CAMK1D: variants seen among roughly 807,000 people sequenced by gnomAD.
The protein encoded by CAMK1D is calcium/calmodulin-dependent protein kinase type 1D.
A neutral mutation model predicts 47.7 loss-of-function variants in CAMK1D; 9 were observed. The observed-to-expected ratio is 0.19, with a 90% CI of 0.11 to 0.33. The LOEUF is 0.33. Among genes scored for constraint, CAMK1D ranks in the 10% least tolerant of loss-of-function variants. The probability of loss-of-function intolerance (pLI) is 1.00; values close to 1 mark genes in which losing one functional copy is unlikely to be tolerated. For missense variants in CAMK1D, 291 were observed against 488.7 expected (o/e 0.60, Z 3.81); for synonymous variants, 184 against 184.9 (o/e 0.99, Z 0.04).
At position 12,831,926 on chromosome 10, in the gene CAMK1D, T is replaced by G. The variant is rs1757064; in HGVS notation, c.*3039T>G. The G allele has an allele frequency of 0.15, 22,829 of 152,260 alleles. 1,820 individuals carry two copies. The highest frequency in any genetic ancestry group is 0.18 in the Non-Finnish European group (11,968 of 68,032). The allele number at this position is 152,260 out of a possible 1,614,324, so 9.4% of individuals were successfully genotyped here. On this transcript the variant is annotated 3_prime_UTR_variant, in exon 11 of 11. Coordinates refer to ENST00000619168, the MANE Select transcript of CAMK1D (RefSeq NM_153498.4). ...TCGTGAAGGTCTGACAAATGGGGTC[T>G]CAGAGTCCTAGGACCCGCACCAAGG...
chr10:12,688,582 G>T (rs1378671723), intron 3 of CAMK1D, among the ~76,000 whole-genome samples: 1 of 152,152 alleles, frequency 6.6e-6, no homozygotes, highest in Non-Finnish European at 1.5e-5. Flanking sequence ...TCGTGACGTT[G>T]TGCAGATCCT....
At chr10:12,632,618 G>C (rs1345216177) in intron 2 of CAMK1D, among the ~76,000 whole-genome samples, 1 of 152,328 alleles carries the variant, frequency 6.6e-6, no homozygotes, top group East Asian at 1.9e-4. Flanking sequence ...TAGAGATGAA[G>C]AATATGAAAC....
intron 3 of CAMK1D, among the ~76,000 whole-genome samples, chr10:12,670,405 T>C (rs564962759): frequency 6.6e-6 from 1 of 152,298 alleles, no homozygotes; most frequent in East Asian, 1.9e-4. Flanking sequence ...GTTCTTTATA[T>C]AGTCCATACT....
intron 2 of CAMK1D, among the ~76,000 whole-genome samples, chr10:12,572,247 G>A (rs1242090283): frequency 6.6e-6 from 1 of 152,098 alleles, no homozygotes; most frequent in Admixed American, 6.5e-5. Flanking sequence ...TTGGATCATG[G>A]AGGTGTTTCC....
Position 12,426,670 on chromosome 10 carries a change from T to C in CAMK1D, c.92+76760T>C, listed in dbSNP as rs572169931. Among the ~76,000 whole-genome samples, 166 of 152,270 alleles carry C rather than the reference T, an allele frequency of 1.1e-3. 1 individual carries two copies. Among genetic ancestry groups the C allele is most frequent in the Admixed American group, 1.7e-3 (26 of 15,298 alleles). On this transcript the variant is annotated intron_variant, in intron 1 of 10. Transcript: ENST00000619168. ...CTCAAGTGTTCCTCCCACCTCAGCT[T>C]CCTAAGTAGCTGGGACCCCAGGTGC...
At chr10:12,492,935 T>G (rs752002797) in intron 1 of CAMK1D, among the ~76,000 whole-genome samples, 4 of 152,218 alleles carry the variant, frequency 2.6e-5, no homozygotes, top group Admixed American at 6.5e-5. Flanking sequence ...CCACTCCCTC[T>G]GTCTCTGGCT....
At chr10:12,814,980 G>A (rs1414809163) in intron 7 of CAMK1D, among the ~76,000 whole-genome samples, 1 of 152,214 alleles carries the variant, frequency 6.6e-6, no homozygotes, top group Non-Finnish European at 1.5e-5. Flanking sequence ...TTTATTGAGT[G>A]CTGACTGTAT....
intron 3 of CAMK1D, among the ~76,000 whole-genome samples, chr10:12,700,510 C>A (rs536389291): frequency 4.6e-5 from 7 of 152,312 alleles, no homozygotes; most frequent in Admixed American, 3.9e-4. Context: ...AACTACAGTT[C>A]AAGATGAGAT....
At chr10:12,817,027 G>A (rs927221083) in intron 8 of CAMK1D, among the ~76,000 whole-genome samples, 2 of 152,152 alleles carry the variant, frequency 1.3e-5, no homozygotes, top group Non-Finnish European at 2.9e-5. Flanking sequence ...ATGGATGGGA[G>A]CAGGCAAAAA....
intron 3 of CAMK1D, among the ~76,000 whole-genome samples, chr10:12,682,015 C>T (rs920146951): frequency 5.9e-5 from 9 of 152,134 alleles, no homozygotes; most frequent in Non-Finnish European, 1.0e-4. Flanking sequence ...GTCAGGAGAT[C>T]GAGACCATCC....
chr10:12,719,065 C>T (rs1834267119), intron 3 of CAMK1D, among the ~76,000 whole-genome samples: 1 of 152,198 alleles, frequency 6.6e-6, no homozygotes, highest in African/African-American at 2.4e-5. Flanking sequence ...CAAGGTACGA[C>T]AATTACACGA....
At chr10:12,770,463 C>T (rs1836988610) in intron 5 of CAMK1D, among the ~76,000 whole-genome samples, 1 of 152,218 alleles carries the variant, frequency 6.6e-6, no homozygotes, top group Non-Finnish European at 1.5e-5. Context: ...CCTTCATTGA[C>T]ATCAGCGTAT....
intron 1 of CAMK1D, among the ~76,000 whole-genome samples, chr10:12,424,061 G>A (rs566206444): frequency 1.5e-4 from 23 of 152,180 alleles, no homozygotes; most frequent in African/African-American, 5.5e-4. Context: ...GTCCTAACTG[G>A]CCATGGAAAC....
At chr10:12,388,421 A>G (rs371396034) in intron 1 of CAMK1D, among the ~76,000 whole-genome samples, 3 of 152,276 alleles carry the variant, frequency 2.0e-5, no homozygotes, top group South Asian at 4.1e-4. Context: ...CAGCTTCTAG[A>G]TTCTCTGTCT....
At chr10:12,628,503 C>T (rs1380655026) in intron 2 of CAMK1D, among the ~76,000 whole-genome samples, 1 of 152,104 alleles carries the variant, frequency 6.6e-6, no homozygotes, top group Non-Finnish European at 1.5e-5. Flanking sequence ...CTCATATACC[C>T]CCAACCCAAT....
chr10:12,774,917 G>T (rs1837214441), intron 5 of CAMK1D, among the ~76,000 whole-genome samples: 1 of 152,286 alleles, frequency 6.6e-6, no homozygotes, highest in Non-Finnish European at 1.5e-5. Flanking sequence ...CCGTGAAACG[G>T]GTTCTTTGTG....
At chr10:12,783,287 C>A (rs1270505597) in intron 5 of CAMK1D, among the ~76,000 whole-genome samples, 1 of 152,200 alleles carries the variant, frequency 6.6e-6, no homozygotes, top group Non-Finnish European at 1.5e-5. Flanking sequence ...GCCACTATAC[C>A]CGGCCTGGTG....
At chr10:12,818,276 T>C (rs1002897770) in intron 8 of CAMK1D, among the ~76,000 whole-genome samples, 1 of 152,204 alleles carries the variant, frequency 6.6e-6, no homozygotes, top group Non-Finnish European at 1.5e-5. Context: ...TTATTGAGTC[T>C]CTATTATATT....
intron 2 of CAMK1D, among the ~76,000 whole-genome samples, chr10:12,600,909 A>C (rs192639819): frequency 6.6e-6 from 1 of 152,342 alleles, no homozygotes; most frequent in East Asian, 1.9e-4. Context: ...TATTTCACTT[A>C]ACATAATGGC....
Sources: allele counts gnomAD v4.1 joint callset (sites outside exome capture counted in the v4.1 genomes callset), GRCh38; gene constraint gnomAD v4.1.1; transcripts MANE v1.5; gene names NCBI Gene and HGNC (gene_info 2026-07-23, HGNC 2026-07-21).